Variants in YME1L1 observed in about 807,000 individuals in gnomAD.
The protein encoded by YME1L1 is ATP-dependent zinc metalloprotease YME1L1.
A neutral mutation model predicts 90.4 loss-of-function variants in YME1L1; 39 were observed. The observed-to-expected ratio is 0.43, with a 90% CI of 0.33 to 0.56. The LOEUF is 0.56. YME1L1 is among the 20% of genes least tolerant of loss of function. The probability of loss-of-function intolerance (pLI) is 0.03; values close to 1 mark genes in which losing one functional copy is unlikely to be tolerated. For missense variants in YME1L1, 617 were observed against 868.4 expected (o/e 0.71, Z 3.64); for synonymous variants, 284 against 287.3 (o/e 0.99, Z 0.12).
intron 9 of YME1L1, among the ~76,000 whole-genome samples, chr10:27,126,178 C>T (rs1321880548): frequency 1.3e-5 from 2 of 152,142 alleles, no homozygotes; most frequent in East Asian, 3.8e-4. Flanking sequence ...TGCGCTGGCT[C>T]ATGCCTGCAG....
chr10:27,135,636 A>G (rs552089487), intron 5 of YME1L1, among the ~76,000 whole-genome samples: 5 of 152,236 alleles, frequency 3.3e-5, no homozygotes, highest in African/African-American at 1.2e-4. Flanking sequence ...TAAGACTTCA[A>G]TGCCAAGAGA....
At chr10:27,119,205 T>C in intron 14 of YME1L1, 89 bp downstream of exon 14, 2 of 1,265,850 alleles carry the variant, frequency 1.6e-6, no homozygotes, top group Non-Finnish European at 1.1e-6. Context: ...TAGCCATGGC[T>C]TTAGCTGTTT....
chr10:27,149,711 CAAAAAAAA>C (rs58900380), intron 1 of YME1L1, among the ~76,000 whole-genome samples: 257 of 32,384 alleles, frequency 7.9e-3, no homozygotes, highest in African/African-American at 0.018. Context: ...ACCTGTCTCT[CAAAAAAAA>C]AAAAAAAAAA....
At chr10:27,137,773 T>G (rs972860096) in intron 4 of YME1L1, among the ~76,000 whole-genome samples, 2 of 152,184 alleles carry the variant, frequency 1.3e-5, no homozygotes, top group Non-Finnish European at 2.9e-5. Flanking sequence ...TGACCATGCA[T>G]GTCCTTTGCA....
intron 6 of YME1L1, among the ~76,000 whole-genome samples, chr10:27,134,355 A>C (rs1564463059): frequency 6.6e-6 from 1 of 152,218 alleles, no homozygotes; most frequent in Non-Finnish European, 1.5e-5. Flanking sequence ...AGGTCAAGGC[A>C]GGAGGATCAC....
At chr10:27,140,662 A>C (rs2057077843) in intron 4 of YME1L1, among the ~76,000 whole-genome samples, 1 of 151,812 alleles carries the variant, frequency 6.6e-6, no homozygotes, top group African/African-American at 2.4e-5. Context: ...TATTTTTAGT[A>C]GAGATGGGGT....
At chr10:27,137,042 A>G (rs1382114356) in intron 4 of YME1L1, among the ~76,000 whole-genome samples, 1 of 147,322 alleles carries the variant, frequency 6.8e-6, no homozygotes, top group Admixed American at 6.8e-5. Context: ...AAAAAAACCC[A>G]ACCAAGTAAT....
At chr10:27,129,958 T>C (rs2056960712) in intron 8 of YME1L1, among the ~76,000 whole-genome samples, 2 of 152,184 alleles carry the variant, frequency 1.3e-5, no homozygotes, top group African/African-American at 4.8e-5. Context: ...CATTCCAACT[T>C]TATTTTGTAT....
Position 27,120,426 on chromosome 10 carries a change from G to T in YME1L1, c.1411+9C>A. On this transcript the variant is annotated intron_variant, in intron 13 of 18. Transcript: ENST00000376016. Reference sequence around the variant, plus strand: ...TACAGAAATGACAAATGTTTGTTTTGATACTTACATTGATCAAACTTTATT... The same window carrying T: ...TACAGAAATGACAAATGTTTGTTTTTATACTTACATTGATCAAACTTTATT... 6.3e-7 allele frequency: 1 copy of T among 1,587,114 alleles called. No individual in the cohort carries two copies. The highest frequency in any genetic ancestry group is 1.1e-5 in the South Asian group (1 of 90,218).
intron 12 of YME1L1, 33 bp downstream of exon 12, chr10:27,121,353 A>C: frequency 6.8e-7 from 1 of 1,474,148 alleles, no homozygotes. Flanking sequence ...AGCATGTAAC[A>C]GTACTTCACA....
At chr10:27,153,146 T>C (rs967958887) in intron 1 of YME1L1, 5 of 468,672 alleles carry the variant, frequency 1.1e-5, no homozygotes, top group African/African-American at 8.0e-5. Flanking sequence ...GTGATACCTG[T>C]TCACTCTTCA....
chr10:27,135,860 TTAC>T (rs1172595993), intron 5 of YME1L1, among the ~76,000 whole-genome samples: 2 of 152,212 alleles, frequency 1.3e-5, no homozygotes, highest in African/African-American at 4.8e-5. Flanking sequence ...CAAGTATTCA[TTAC>T]AGTAATTTAG....
rs191966244 is a variant in YME1L1 at position 27,119,683 on chromosome 10, C to T, written c.1412-234G>A. On this transcript the variant is annotated intron_variant, in intron 13 of 18. Transcript: ENST00000376016. ...AATTAGCTGGGCATGGTGGCATGCA[C>T]CTGTAATCCCAGCTATTCAGAAGGC... is the stretch of plus-strand genomic sequence containing the variant. Among the ~76,000 whole-genome samples the T allele has an allele frequency of 5.4e-3, 815 of 152,206 alleles. 1 individual carries two copies. The highest frequency in any genetic ancestry group is 8.4e-3 in the Non-Finnish European group (568 of 68,014).
chr10:27,136,886 G>A (rs1448508501), intron 4 of YME1L1, among the ~76,000 whole-genome samples: 3 of 151,982 alleles, frequency 2.0e-5, no homozygotes, highest in African/African-American at 7.2e-5. Context: ...GCCTCCCACA[G>A]TGCTGGGATT....
chr10:27,130,250 G>C (rs2056962959), intron 8 of YME1L1, among the ~76,000 whole-genome samples: 1 of 152,090 alleles, frequency 6.6e-6, no homozygotes, highest in South Asian at 2.1e-4. Context: ...CTAACTCACT[G>C]GCAGCTCCTT....
At chr10:27,141,645 C>CACACAG in intron 4 of YME1L1, among the ~76,000 whole-genome samples, 1 of 134,342 alleles carries the variant, frequency 7.4e-6, no homozygotes, top group East Asian at 2.1e-4. Context: ...CACACACACA[C>CACACAG]ACAGACGTCT....
At chr10:27,140,365 T>C (rs2057074392) in intron 4 of YME1L1, among the ~76,000 whole-genome samples, 1 of 152,216 alleles carries the variant, frequency 6.6e-6, no homozygotes, top group African/African-American at 2.4e-5. Context: ...AAGAGTCTGA[T>C]ATACAGATTT....
chr10:27,145,486 A>C lies in YME1L1; in HGVS notation c.273T>G (p.Ile91Met). The change falls in exon 3 of 19, where the codon ATT (isoleucine) becomes ATG (methionine). Residue 91 changes from isoleucine (I) to methionine (M), a missense_variant. Physicochemically the swap from Ile to Met is conservative, Grantham distance 10. Coordinates refer to ENST00000376016, the MANE Select transcript of YME1L1 (RefSeq NM_014263.4). ...CATGGGATGTATGCCAATGGGAAGAAATGTTTTTGCCTTTACAAAATCCAG... is the reference window on the plus strand; with the variant it reads ...CATGGGATGTATGCCAATGGGAAGACATGTTTTTGCCTTTACAAAATCCAG... ...LLPGFCKGKNISSHWHTSHVS... is the reference protein window; with the variant it reads ...LLPGFCKGKNMSSHWHTSHVS... 6.2e-7 allele frequency: 1 copy of C among 1,613,542 alleles called. No homozygotes were observed. The highest frequency in any genetic ancestry group is 1.1e-5 in the South Asian group (1 of 91,048).
In YME1L1 at chr10:27,154,382, G is replaced by T; in HGVS notation, c.-172C>A. ...CCTTCCTACAGCTACTGCAACGACAGACAATCCGCCCCGGAAGGCGAGGCG... is the reference window on the plus strand; with the variant it reads ...CCTTCCTACAGCTACTGCAACGACATACAATCCGCCCCGGAAGGCGAGGCG... On this transcript the variant is annotated 5_prime_UTR_variant, in exon 1 of 19. The change creates a new upstream start codon in the 5' untranslated region. Transcript: ENST00000376016. 1.3e-6 allele frequency: 1 copy of T among 750,006 alleles called. No homozygotes were observed. Among genetic ancestry groups the T allele is most frequent in the Non-Finnish European group, 2.1e-6 (1 of 466,494 alleles). 46.5% of individuals were successfully genotyped at this position (750,006 alleles called of 1,614,324 possible). A position where few individuals can be genotyped will look rare whatever the true frequency, so the allele number is the denominator to read the frequency against.
Sources: gnomAD v4.1 joint callset for allele counts (sites outside exome capture counted in the v4.1 genomes callset) on GRCh38, gnomAD v4.1.1 for gene constraint, MANE v1.5 for transcripts, NCBI Gene and HGNC (gene_info 2026-07-23, HGNC 2026-07-21) for gene names.